Variants in CDIN1 observed in about 807,000 individuals in gnomAD.
The protein encoded by CDIN1 is CDAN1-interacting nuclease 1.
Under a neutral mutation model 45.3 loss-of-function variants are expected in CDIN1, and 33 were observed. That is an observed-to-expected ratio of 0.73 (90% CI 0.55 to 0.97). The LOEUF (loss-of-function observed/expected upper bound fraction) is 0.97, where lower values mean the gene tolerates loss of function less well. Among genes scored for constraint, CDIN1 ranks in the 50% least tolerant of loss-of-function variants. The probability of loss-of-function intolerance (pLI) is 0.00; values close to 1 mark genes in which losing one functional copy is unlikely to be tolerated. For synonymous variants in CDIN1, 118 were observed against 124.4 expected, an observed-to-expected ratio of 0.95 and a Z score of 0.34; for missense variants, 303 against 339.4, an observed-to-expected ratio of 0.89 and a Z score of 0.84.
intron 1 of CDIN1, among the ~76,000 whole-genome samples, chr15:36,602,264 A>C (rs1019497039): frequency 7.9e-5 from 12 of 152,144 alleles, no homozygotes; most frequent in African/African-American, 2.9e-4. Context: ...CCAAACTTTT[A>C]TTTTCCCTCA....
At position 36,618,382 on chromosome 15, in the gene CDIN1, T is replaced by C. The variant is rs545287486; in HGVS notation, c.102-25896T>C. ...TAACTTCAAAAGGAGACTTCCACTT[T>C]GCAGATGGAACAAAATGGGGACTAT... On this transcript the variant is annotated intron_variant, in intron 1 of 10. Transcript: ENST00000566621. The C allele has an allele frequency of 2.4e-4, 170 of 698,584 alleles. No individual in the cohort carries two copies. The African/African-American group carries it at 2.9e-3, about 12-fold the overall frequency. The allele number at this position is 698,584 out of a possible 1,614,324, so 43.3% of individuals were successfully genotyped here.
rs2039755933 is a variant in CDIN1 at position 36,633,272 on chromosome 15, T to A, written c.102-11006T>A. Among the ~76,000 whole-genome samples, 3 of 152,194 alleles carry A rather than the reference T, an allele frequency of 2.0e-5. No individual in the cohort carries two copies. The East Asian group carries it at 5.8e-4, about 29-fold the overall frequency. ...ACTGTTATACGTTTTCTTTTCACTT[T>A]GATTTTTAGTTTTTTGATGAACTGT... On this transcript the variant is annotated intron_variant, in intron 1 of 10. Coordinates refer to ENST00000566621, the MANE Select transcript of CDIN1 (RefSeq NM_001321759.2).
At chr15:36,771,793 G>A (rs113803731) in intron 10 of CDIN1, among the ~76,000 whole-genome samples, 43 of 152,242 alleles carry the variant, frequency 2.8e-4, no homozygotes, top group African/African-American at 9.1e-4. Flanking sequence ...GCTGGGCACG[G>A]TGGTGGGTGC....
intron 10 of CDIN1, among the ~76,000 whole-genome samples, chr15:36,741,353 G>C (rs1416465158): frequency 6.6e-6 from 1 of 151,644 alleles, no homozygotes; most frequent in South Asian, 2.1e-4. Flanking sequence ...CTAGACTGGA[G>C]TATTTCCAAC....
At chr15:36,691,199 C>G (rs756775868) in intron 5 of CDIN1, 2 of 518,206 alleles carry the variant, frequency 3.9e-6, no homozygotes, top group African/African-American at 3.9e-5. Flanking sequence ...TTAGAAGATT[C>G]TTTCATGGCT....
chr15:36,805,486 G>A (rs1939885702), intron 10 of CDIN1, among the ~76,000 whole-genome samples: 1 of 152,124 alleles, frequency 6.6e-6, no homozygotes, highest in South Asian at 2.1e-4. Context: ...TTTTTGTCTA[G>A]TGGTGCCACA....
Position 36,809,333 on chromosome 15 carries a change from G to A in CDIN1, c.*880G>A, listed in dbSNP as rs954433350. The A allele has an allele frequency of 9.4e-5, 17 of 181,358 alleles. No individual in the cohort carries two copies. Among genetic ancestry groups the A allele is most frequent in the Admixed American group, 5.2e-4 (9 of 17,462 alleles). 11.2% of individuals were successfully genotyped at this position (181,358 alleles called of 1,614,324 possible). A position where few individuals can be genotyped will look rare whatever the true frequency, so the allele number is the denominator to read the frequency against. On this transcript the variant is annotated 3_prime_UTR_variant, in exon 11 of 11. Coordinates refer to ENST00000566621, the MANE Select transcript of CDIN1 (RefSeq NM_001321759.2). ...GTCGAGTTTTTTAAAGGCACATTCT[G>A]TATACTGCTTAGTATATGCATTTTA...
chr15:36,801,006 T>C (rs1259456569), intron 10 of CDIN1, among the ~76,000 whole-genome samples: 1 of 144,966 alleles, frequency 6.9e-6, no homozygotes, highest in Non-Finnish European at 1.5e-5. Context: ...AATAAAAAAT[T>C]TGGGCTAGGA....
chr15:36,626,618 C>G (rs2039439191), intron 1 of CDIN1: 2 of 306,634 alleles, frequency 6.5e-6, no homozygotes, highest in Non-Finnish European at 1.3e-5. Flanking sequence ...CCAACTTCCA[C>G]TTAAATGCAG....
At chr15:36,613,812 A>G in intron 1 of CDIN1, 3 of 1,603,856 alleles carry the variant, frequency 1.9e-6, no homozygotes, top group Non-Finnish European at 1.7e-6. Context: ...CAACCCAAAG[A>G]AGCTAAGCAC....
chr15:36,604,861 G>C (rs1437269171), intron 1 of CDIN1, among the ~76,000 whole-genome samples: 1 of 151,982 alleles, frequency 6.6e-6, no homozygotes, highest in Non-Finnish European at 1.5e-5. Context: ...AGTTCTTTTT[G>C]TTTATGTGGT....
intron 5 of CDIN1, among the ~76,000 whole-genome samples, chr15:36,669,495 T>A (rs991031575): frequency 6.6e-6 from 1 of 152,254 alleles, no homozygotes; most frequent in South Asian, 2.1e-4. Context: ...GAGTTCTGCC[T>A]ATATCCATCA....
chr15:36,752,587 T>A (rs2053504868), intron 10 of CDIN1, among the ~76,000 whole-genome samples: 1 of 152,232 alleles, frequency 6.6e-6, no homozygotes, highest in African/African-American at 2.4e-5. Context: ...GATCCCAAGT[T>A]AATGCAAATT....
chr15:36,580,570 G>A (rs1040992566), intron 1 of CDIN1, among the ~76,000 whole-genome samples: 6 of 152,124 alleles, frequency 3.9e-5, no homozygotes, highest in African/African-American at 1.4e-4. Context: ...CACATTCCGG[G>A]TGTATTTCAT....
chr15:36,808,703 C>T lies in CDIN1; in HGVS notation c.*250C>T. The T allele has an allele frequency of 1.9e-6, 1 of 530,038 alleles. No homozygotes were observed. The allele number at this position is 530,038 out of a possible 1,614,324, so 32.8% of individuals were successfully genotyped here. ...TATCAGCATTTCTGTCTCTGTCAAA[C>T]AATTAGTTTATAGATAGTCATAATC... On this transcript the variant is annotated 3_prime_UTR_variant, in exon 11 of 11. Coordinates refer to ENST00000566621, the MANE Select transcript of CDIN1 (RefSeq NM_001321759.2).
intron 8 of CDIN1, among the ~76,000 whole-genome samples, chr15:36,703,268 C>CTA (rs1288192014): frequency 4.6e-5 from 4 of 87,104 alleles, no homozygotes; most frequent in Non-Finnish European, 6.8e-5. Context: ...ATATATATAT[C>CTA]TGATAGATCT....
intron 10 of CDIN1, among the ~76,000 whole-genome samples, chr15:36,729,183 T>C (rs2043751661): frequency 6.6e-6 from 1 of 152,188 alleles, no homozygotes; most frequent in African/African-American, 2.4e-5. Flanking sequence ...AAATAATAAT[T>C]CAGGACAGTA....
chr15:36,702,661 G>T (rs1487468058), intron 8 of CDIN1, among the ~76,000 whole-genome samples: 2 of 152,028 alleles, frequency 1.3e-5, no homozygotes, highest in African/African-American at 4.8e-5. Flanking sequence ...AGAATTTATT[G>T]GCTTAAATAT....
chr15:36,691,178 A>G (rs763810626), intron 5 of CDIN1: 8 of 518,596 alleles, frequency 1.5e-5, no homozygotes, highest in South Asian at 7.0e-5. Context: ...TTATTTTGGA[A>G]AGGTTTAGAA....
Sources: gnomAD v4.1 joint callset for allele counts (sites outside exome capture counted in the v4.1 genomes callset) on GRCh38, gnomAD v4.1.1 for gene constraint, MANE v1.5 for transcripts, NCBI Gene and HGNC (gene_info 2026-07-23, HGNC 2026-07-21) for gene names.